SORCS2: variants seen among roughly 807,000 people sequenced by gnomAD.
SORCS2 encodes the protein sortilin related VPS10 domain containing receptor 2.
In SORCS2, 100 loss-of-function variants were observed where a neutral mutation model predicts 141.6. That is an observed-to-expected ratio of 0.71 (90% CI 0.60 to 0.83). The LOEUF is 0.83. Among genes scored for constraint, SORCS2 ranks in the 40% least tolerant of loss-of-function variants. The pLI is 0.00. For missense variants in SORCS2, 1,646 were observed against 1,560.2 expected, an observed-to-expected ratio of 1.05 and a Z score of -0.93; for synonymous variants, 789 against 676.9, an observed-to-expected ratio of 1.17 and a Z score of -2.57.
chr4:7,642,526 G>A (rs982548422), intron 4 of SORCS2, among the ~76,000 whole-genome samples: 1 of 152,150 alleles, frequency 6.6e-6, no homozygotes, highest in Non-Finnish European at 1.5e-5. Flanking sequence ...ATGACAAGAG[G>A]GCTTTAGTTT....
intron 3 of SORCS2, among the ~76,000 whole-genome samples, chr4:7,610,162 C>T (rs773464430): frequency 1.3e-5 from 2 of 152,216 alleles, no homozygotes; most frequent in Non-Finnish European, 2.9e-5. Context: ...TCTGAAACTA[C>T]TGAACAGCAA....
intron 1 of SORCS2, among the ~76,000 whole-genome samples, chr4:7,349,848 G>T (rs1049512705): frequency 2.0e-5 from 3 of 152,096 alleles, no homozygotes; most frequent in African/African-American, 7.2e-5. Flanking sequence ...TGGACATAAC[G>T]CCCCTAGAGC....
intron 1 of SORCS2, chr4:7,310,320 A>G (rs143485984): frequency 1.4e-4 from 22 of 154,280 alleles, no homozygotes; most frequent in Middle Eastern, 5.4e-4. Context: ...CAGTTGTCCA[A>G]GGTTACACAG....
Position 7,422,516 on chromosome 4 carries a change from T to A in SORCS2, c.548+26161T>A, listed in dbSNP as rs143664208. Among the ~76,000 whole-genome samples, 214 of 152,252 alleles carry A rather than the reference T, an allele frequency of 1.4e-3. 3 individuals carry two copies. Among genetic ancestry groups the A allele is most frequent in the African/African-American group, 5.0e-3 (208 of 41,556 alleles). ...GTCTACACTCAAGTTTGAGACCCCC[T>A]GCTGTGCAAGTCAGAGCTGGGGGCA... On this transcript the variant is annotated intron_variant, in intron 2 of 26. Transcript: ENST00000507866.
intron 2 of SORCS2, among the ~76,000 whole-genome samples, chr4:7,421,942 C>T (rs1012079535): frequency 6.7e-6 from 1 of 148,430 alleles, no homozygotes; most frequent in African/African-American, 2.4e-5. Context: ...GCTCCCTCCC[C>T]CATGGTCGAC....
At chr4:7,661,782 G>A (rs1560464783) in intron 6 of SORCS2, among the ~76,000 whole-genome samples, 2 of 152,312 alleles carry the variant, frequency 1.3e-5, no homozygotes, top group South Asian at 4.1e-4. Context: ...TCTATTAAGG[G>A]GGCGATTTGT....
intron 1 of SORCS2, among the ~76,000 whole-genome samples, chr4:7,254,753 G>A (rs1713733339): frequency 6.6e-6 from 1 of 152,168 alleles, no homozygotes; most frequent in Non-Finnish European, 1.5e-5. Flanking sequence ...TTGGGCCGGT[G>A]ACTGGGCCTG....
intron 1 of SORCS2, among the ~76,000 whole-genome samples, chr4:7,296,248 C>A (rs1463967653): frequency 6.6e-6 from 1 of 152,244 alleles, no homozygotes; most frequent in Non-Finnish European, 1.5e-5. Flanking sequence ...CCTGCCCTCA[C>A]AGCCTCCGGG....
chr4:7,399,302 G>A (rs1025765927), intron 2 of SORCS2, among the ~76,000 whole-genome samples: 3 of 151,694 alleles, frequency 2.0e-5, no homozygotes, highest in East Asian at 3.9e-4. Context: ...CGGTGCCCTC[G>A]TCTGGAGAGC....
chr4:7,688,540 G>T (rs1724015324), intron 10 of SORCS2, among the ~76,000 whole-genome samples: 1 of 152,220 alleles, frequency 6.6e-6, no homozygotes, highest in African/African-American at 2.4e-5. Flanking sequence ...CTGTGAAGCA[G>T]AGGTTATTGC....
chr4:7,639,177 AG>A (rs1720472282), intron 4 of SORCS2, among the ~76,000 whole-genome samples: 1 of 152,220 alleles, frequency 6.6e-6, no homozygotes, highest in Non-Finnish European at 1.5e-5. Flanking sequence ...AAATGGCCAC[AG>A]GCTCTAGCTT....
chr4:7,334,117 A>G (rs1004927976), intron 1 of SORCS2, among the ~76,000 whole-genome samples: 2 of 152,050 alleles, frequency 1.3e-5, no homozygotes, highest in African/African-American at 4.8e-5. Flanking sequence ...CCTCCTCTCA[A>G]GAGCCCACGA....
intron 1 of SORCS2, among the ~76,000 whole-genome samples, chr4:7,275,509 G>T (rs554516722): frequency 6.6e-6 from 1 of 152,168 alleles, no homozygotes; most frequent in African/African-American, 2.4e-5. Context: ...GGGCGACTTT[G>T]TAGAGGCTGA....
chr4:7,234,082 A>G (rs1195764091), intron 1 of SORCS2, among the ~76,000 whole-genome samples: 1 of 151,900 alleles, frequency 6.6e-6, no homozygotes, highest in Non-Finnish European at 1.5e-5. Context: ...CCATCTCCCC[A>G]GGTGCTGGAG....
intron 1 of SORCS2, among the ~76,000 whole-genome samples, chr4:7,305,886 T>C (rs779910014): frequency 1.3e-5 from 2 of 152,162 alleles, no homozygotes; most frequent in Non-Finnish European, 2.9e-5. Flanking sequence ...CATCCTCCAG[T>C]TCACTGGACA....
chr4:7,716,869 G>A (rs1170287505), intron 17 of SORCS2, among the ~76,000 whole-genome samples: 1 of 152,230 alleles, frequency 6.6e-6, no homozygotes, highest in Non-Finnish European at 1.5e-5. Context: ...CACGCTGTAG[G>A]TGCCATGGGT....
intron 2 of SORCS2, chr4:7,434,228 G>A (rs757750488): frequency 1.9e-6 from 3 of 1,613,658 alleles, no homozygotes; most frequent in Admixed American, 3.3e-5. Flanking sequence ...GCCAGGCCAG[G>A]CCCCAAGGAC....
chr4:7,300,404 G>T (rs1357328450), intron 1 of SORCS2, among the ~76,000 whole-genome samples: 2 of 152,144 alleles, frequency 1.3e-5, no homozygotes, highest in Non-Finnish European at 2.9e-5. Context: ...GTGCAGTGAT[G>T]CAGAGAGGTG....
chr4:7,728,782 T>C (rs1239320542), intron 22 of SORCS2, among the ~76,000 whole-genome samples: 1 of 152,238 alleles, frequency 6.6e-6, no homozygotes, highest in African/African-American at 2.4e-5. Context: ...AGAGTCTCTT[T>C]AAAGCAATTT....
Sources: allele counts gnomAD v4.1 joint callset (sites outside exome capture counted in the v4.1 genomes callset), GRCh38; gene constraint gnomAD v4.1.1; transcripts MANE v1.5; gene names NCBI Gene and HGNC (gene_info 2026-07-23, HGNC 2026-07-21).